WDR64: variants seen among roughly 807,000 people sequenced by gnomAD.
The protein encoded by WDR64 is WD repeat domain 64.
In WDR64, 112 loss-of-function variants were observed where a neutral mutation model predicts 139.3. The observed-to-expected ratio is 0.80, with a 90% CI of 0.69 to 0.94. The LOEUF (loss-of-function observed/expected upper bound fraction) is 0.94. Among genes scored for constraint, WDR64 ranks in the 40% least tolerant of loss-of-function variants. The probability of loss-of-function intolerance (pLI) is 0.00; values close to 1 mark genes in which losing one functional copy is unlikely to be tolerated. For synonymous variants in WDR64, 444 were observed against 437.7 expected (o/e 1.01, Z -0.18); for missense variants, 1,206 against 1,293.1 (o/e 0.93, Z 1.03).
At chr1:241,677,256 T>G (rs55893377) in intron 4 of WDR64, 35 of 398,118 alleles carry the variant, frequency 8.8e-5, no homozygotes, top group Non-Finnish European at 1.3e-4. Flanking sequence ...AAGATATATA[T>G]AGAGAAAGAG....
chr1:241,779,969 CTAAT>C, intron 21 of WDR64, 31 bp from the exon 22 acceptor site: 1 of 1,508,564 alleles, frequency 6.6e-7, no homozygotes, highest in Non-Finnish European at 9.0e-7. Context: ...AACATGATAT[CTAAT>C]TAAAGATTCC....
At chr1:241,757,630 G>A (rs551525851) in intron 15 of WDR64, among the ~76,000 whole-genome samples, 171 bp downstream of exon 15, 7 of 147,492 alleles carry the variant, frequency 4.7e-5, no homozygotes, top group Admixed American at 1.4e-4. Context: ...TCTTCACCAC[G>A]ACCACCACCA....
intron 9 of WDR64, among the ~76,000 whole-genome samples, chr1:241,713,057 G>A (rs190120463): frequency 8.8e-4 from 131 of 148,326 alleles, no homozygotes; most frequent in African/African-American, 3.2e-3. Context: ...CAATAATCCC[G>A]GCACTTTGGG....
chr1:241,779,321 G>C (rs1303961544), intron 21 of WDR64, among the ~76,000 whole-genome samples: 1 of 151,984 alleles, frequency 6.6e-6, no homozygotes, highest in Admixed American at 6.6e-5. Context: ...AGTTTAAATA[G>C]TTTAAAAGTT....
rs764415019 is a variant in WDR64, at chr1:241,783,296, C to T, written c.2620C>T (p.Arg874Cys). The T allele has an allele frequency of 3.0e-5, 49 of 1,613,748 alleles. No individual in the cohort carries two copies. Among genetic ancestry groups the T allele is most frequent in the Middle Eastern group, 3.3e-4 (2 of 6,084 alleles). The change falls in exon 23 of 28, where the codon CGT becomes TGT. Residue 874 changes from arginine (R) to cysteine (C), a missense_variant. Transcript: ENST00000437684. ...EKKFKQLLSW[R>C]AHSLEIIQVI... Reference sequence around the variant, plus strand: ...GAAATTCAAGCAGCTGCTTTCCTGGCGTGCTCATTCTTTGGAAATTATTCA... The same window carrying T: ...GAAATTCAAGCAGCTGCTTTCCTGGTGTGCTCATTCTTTGGAAATTATTCA...
chr1:241,724,101 C>A (rs969357737), intron 10 of WDR64, among the ~76,000 whole-genome samples: 4 of 152,020 alleles, frequency 2.6e-5, no homozygotes, highest in African/African-American at 7.2e-5. Flanking sequence ...AGGCAATATT[C>A]ACTACTAACA....
rs1667828691 is a variant in WDR64 at position 241,703,780 on chromosome 1, T to G, written c.975-8022T>G. ...TAATTGACTCACAGTTCCACATGGCTGGGGAGGCTTCAGGAAACTTACAAT... is the reference window on the plus strand; with the variant it reads ...TAATTGACTCACAGTTCCACATGGCGGGGGAGGCTTCAGGAAACTTACAAT... On this transcript the variant is annotated intron_variant, in intron 8 of 27. Transcript: ENST00000437684. This position sits in a 1 kb window ranked among gnomAD's most constrained non-coding sequence, Gnocchi z 5.9. Among the ~76,000 whole-genome samples, 1 of 152,136 alleles carries G rather than the reference T, an allele frequency of 6.6e-6. No individual in the cohort carries two copies. Among genetic ancestry groups the G allele is most frequent in the African/African-American group, 2.4e-5 (1 of 41,404 alleles).
rs149182196 is a variant in WDR64 at position 241,680,690 on chromosome 1, G to A, written c.624+1095G>A. On this transcript the variant is annotated intron_variant, in intron 6 of 27. Transcript: ENST00000437684. ...TCGATCTTTGTCCTTCAACCTGGAGGGATGCCCTAGCCCTTCTCTGCTCCT... is the reference window on the plus strand; with the variant it reads ...TCGATCTTTGTCCTTCAACCTGGAGAGATGCCCTAGCCCTTCTCTGCTCCT... Among the ~76,000 whole-genome samples, 550 of 152,220 alleles carry A rather than the reference G, an allele frequency of 3.6e-3. 6 individuals carry two copies. The highest frequency in any genetic ancestry group is 0.013 in the African/African-American group (538 of 41,544).
At chr1:241,735,798 G>T (rs1669285213) in intron 10 of WDR64, among the ~76,000 whole-genome samples, 1 of 143,580 alleles carries the variant, frequency 7.0e-6, no homozygotes, top group African/African-American at 2.6e-5. Context: ...GTGAGCCACT[G>T]CTCCCAGCCT....
At chr1:241,698,297 G>T (rs988468562) in intron 8 of WDR64, among the ~76,000 whole-genome samples, 5 of 152,194 alleles carry the variant, frequency 3.3e-5, no homozygotes, top group South Asian at 4.1e-4. Flanking sequence ...CCACAAACCA[G>T]TAATCACCAA....
chr1:241,678,438 G>C (rs1254961016), intron 5 of WDR64, among the ~76,000 whole-genome samples: 1 of 152,150 alleles, frequency 6.6e-6, no homozygotes, highest in Non-Finnish European at 1.5e-5. Context: ...GCAGAGAATT[G>C]CTTGGAAACT....
intron 14 of WDR64, among the ~76,000 whole-genome samples, chr1:241,756,272 T>C (rs535132972): frequency 3.3e-5 from 5 of 152,324 alleles, no homozygotes; most frequent in South Asian, 2.1e-4. Context: ...GAAGAGGTCC[T>C]TCACATCCCT....
Position 241,783,272 on chromosome 1 carries a change from A to G in WDR64, c.2596A>G (p.Lys866Glu). Residue 866 changes from lysine to glutamate, a missense_variant and splice_region_variant, in exon 23 of 28, where the codon AAA becomes GAA. Physicochemically the swap from Lys to Glu is moderately conservative, Grantham distance 56. Coordinates refer to ENST00000437684, the MANE Select transcript of WDR64 (RefSeq NM_001367482.1). The part of the protein sequence containing the change: ...SFLDPPHDEK[K>E]FKQLLSWRAH... ...AATATGCCTTGTTTTTGCTATCTAG[A>G]AATTCAAGCAGCTGCTTTCCTGGCG... is the stretch of plus-strand genomic sequence containing the variant. 1 of 1,613,026 alleles carries G rather than the reference A, an allele frequency of 6.2e-7. No individual in the cohort carries two copies. The highest frequency in any genetic ancestry group is 8.5e-7 in the Non-Finnish European group (1 of 1,179,612).
At chr1:241,692,327 G>C (rs1331623197) in intron 8 of WDR64, among the ~76,000 whole-genome samples, 1 of 152,116 alleles carries the variant, frequency 6.6e-6, no homozygotes, top group East Asian at 1.9e-4. Flanking sequence ...AAAAGCAAAA[G>C]GTCTTGAGTA....
rs1240923799 is a variant in WDR64, at chr1:241,795,195, T to C, written c.2998-12T>C. ...GCCCCTTTCATTAAACATTCATCCC[T>C]TTGTTTTGCAGATTCGAAGATATCC... is the stretch of plus-strand genomic sequence containing the variant. On this transcript the variant is annotated splice_polypyrimidine_tract_variant and intron_variant, in intron 25 of 27. Coordinates refer to ENST00000437684, the MANE Select transcript of WDR64 (RefSeq NM_001367482.1). 6.2e-7 allele frequency: 1 copy of C among 1,612,970 alleles called. No individual in the cohort carries two copies. Among genetic ancestry groups the C allele is most frequent in the Non-Finnish European group, 8.5e-7 (1 of 1,179,348 alleles).
intron 14 of WDR64, among the ~76,000 whole-genome samples, chr1:241,752,438 T>C (rs1046875356): frequency 1.3e-5 from 2 of 152,216 alleles, no homozygotes; most frequent in Non-Finnish European, 2.9e-5. Context: ...AAATTGAATG[T>C]TGGTAACTCT....
At chr1:241,732,546 G>A (rs1275592419) in intron 10 of WDR64, among the ~76,000 whole-genome samples, 9 of 152,132 alleles carry the variant, frequency 5.9e-5, no homozygotes, top group Admixed American at 2.0e-4. Flanking sequence ...CTGGCTGGGC[G>A]CAGTGGCTCA....
At chr1:241,697,084 C>T (rs1040368844) in intron 8 of WDR64, among the ~76,000 whole-genome samples, 2 of 152,138 alleles carry the variant, frequency 1.3e-5, no homozygotes, top group African/African-American at 4.8e-5. Flanking sequence ...GGCCTTACAC[C>T]CTATCTGCTC....
chr1:241,672,800 A>G (rs1290320134), intron 3 of WDR64, among the ~76,000 whole-genome samples: 1 of 152,048 alleles, frequency 6.6e-6, no homozygotes, highest in African/African-American at 2.4e-5. Context: ...GTAGAAAGTG[A>G]GAGAGCAAAC....
Sources: allele counts gnomAD v4.1 joint callset (sites outside exome capture counted in the v4.1 genomes callset), GRCh38; gene constraint gnomAD v4.1.1; non-coding constraint Gnocchi (gnomAD v3.1); transcripts MANE v1.5; gene names NCBI Gene and HGNC (gene_info 2026-07-23, HGNC 2026-07-21).